FRMD4A: variants seen among roughly 807,000 people sequenced by gnomAD.
FRMD4A encodes the protein FERM domain containing 4A, also known as FERM domain-containing protein 4A.
In FRMD4A, 29 loss-of-function variants were observed where a neutral mutation model predicts 129.1. The observed-to-expected ratio is 0.22, with a 90% CI of 0.17 to 0.31. The LOEUF is 0.31. FRMD4A is among the 10% of genes least tolerant of loss of function. The pLI, the probability that FRMD4A is intolerant of heterozygous loss-of-function variation, is 1.00. For missense variants in FRMD4A, 1,272 were observed against 1,375.8 expected (o/e 0.92, Z 1.19); for synonymous variants, 634 against 571.6 (o/e 1.11, Z -1.56).
intron 2 of FRMD4A, among the ~76,000 whole-genome samples, chr10:14,297,673 T>G (rs1486349614): frequency 6.6e-6 from 1 of 152,178 alleles, no homozygotes; most frequent in Non-Finnish European, 1.5e-5. Context: ...TAACCACTTT[T>G]TGTAAAGTGC....
intron 2 of FRMD4A, among the ~76,000 whole-genome samples, chr10:14,023,097 T>G (rs954310221): frequency 1.3e-5 from 2 of 152,000 alleles, no homozygotes; most frequent in African/African-American, 4.8e-5. Context: ...CAGTTCAGTT[T>G]CTACTCATAC....
intron 2 of FRMD4A, among the ~76,000 whole-genome samples, chr10:14,128,719 G>T (rs116396428): frequency 0.013 from 1,903 of 152,222 alleles, 30 homozygotes; most frequent in African/African-American, 0.043. Flanking sequence ...ACATCTTGTA[G>T]GTTGCAAAGC....
rs113818620 is a variant in FRMD4A, at chr10:14,285,797, C to T, written c.45+44261G>A. ...CACTGAAGTAATTTAACTCATGATC[C>T]GACGTCAGGGATCACTGCCAGCTGA... On this transcript the variant is annotated intron_variant, in intron 2 of 24. Coordinates refer to ENST00000357447, the MANE Select transcript of FRMD4A (RefSeq NM_018027.5). Among the ~76,000 whole-genome samples the T allele has an allele frequency of 3.4e-4, 52 of 152,240 alleles. No homozygotes were observed. In the South Asian group the frequency reaches 4.4e-3, roughly 13 times the overall value.
At chr10:13,979,121 G>A (rs1458346017) in intron 2 of FRMD4A, among the ~76,000 whole-genome samples, 2 of 152,146 alleles carry the variant, frequency 1.3e-5, no homozygotes, top group African/African-American at 2.4e-5. Flanking sequence ...TGGTTTCCAC[G>A]AAATTCATCC....
chr10:14,105,175 C>A lies in FRMD4A; in HGVS notation c.45+224883G>T, dbSNP rs1240958183. 3.3e-5 allele frequency among the ~76,000 whole-genome samples: 5 copies of A among 152,328 alleles called. No homozygotes were observed. In the East Asian group the frequency reaches 9.6e-4, roughly 29 times the overall value. ...ATTTGAAGAGCTATAGGTCGTAGCT[C>A]TTTTCATGGTCACTTGTTTTCTTCA... On this transcript the variant is annotated intron_variant, in intron 2 of 24. Transcript: ENST00000357447.
intron 2 of FRMD4A, among the ~76,000 whole-genome samples, chr10:14,275,429 C>G (rs935524073): frequency 6.6e-6 from 1 of 152,162 alleles, no homozygotes; most frequent in Non-Finnish European, 1.5e-5. Flanking sequence ...ACCAAAATGT[C>G]CAGACACAAC....
chr10:13,998,216 A>C (rs79815716), intron 2 of FRMD4A, among the ~76,000 whole-genome samples: 3,369 of 152,248 alleles, frequency 0.022, 134 homozygotes, highest in African/African-American at 0.076. Flanking sequence ...GCCAATCTCC[A>C]GTGGTATACT....
intron 6 of FRMD4A, among the ~76,000 whole-genome samples, chr10:13,763,587 C>T (rs577117841): frequency 2.5e-4 from 38 of 152,258 alleles, no homozygotes; most frequent in African/African-American, 8.7e-4. Flanking sequence ...TAGTTCTTCC[C>T]CCAAATACTT....
intron 2 of FRMD4A, among the ~76,000 whole-genome samples, chr10:14,162,475 A>G (rs1488887437): frequency 6.6e-6 from 1 of 152,216 alleles, no homozygotes; most frequent in Admixed American, 6.5e-5. Flanking sequence ...ATGGTCACAT[A>G]TGAGGAATGA....
intron 2 of FRMD4A, among the ~76,000 whole-genome samples, chr10:14,206,818 A>AAT: frequency 6.7e-6 from 1 of 149,662 alleles, no homozygotes; most frequent in Non-Finnish European, 1.5e-5. Context: ...TCAAAAAAAA[A>AAT]AAAGAGAGAC....
chr10:14,020,446 A>G lies in FRMD4A; in HGVS notation c.46-161534T>C, dbSNP rs1323815886. Among the ~76,000 whole-genome samples, 5 of 152,114 alleles carry G rather than the reference A, an allele frequency of 3.3e-5. No homozygotes were observed. In the East Asian group the frequency reaches 5.8e-4, roughly 18 times the overall value. On this transcript the variant is annotated intron_variant, in intron 2 of 24. Coordinates refer to ENST00000357447, the MANE Select transcript of FRMD4A (RefSeq NM_018027.5). The stretch of plus-strand genomic sequence containing the variant: ...GAGCATGCCATCAGCTATAGAGGAA[A>G]CCCAAGGCTAATGGGCTTCTGATGC...
At chr10:13,699,878 G>C (rs1234379935) in intron 14 of FRMD4A, among the ~76,000 whole-genome samples, 1 of 152,074 alleles carries the variant, frequency 6.6e-6, no homozygotes, top group Non-Finnish European at 1.5e-5. Flanking sequence ...CCTGCGCTAG[G>C]ACTAGGACCC....
chr10:13,650,889 G>A (rs757574491), intron 24 of FRMD4A, among the ~76,000 whole-genome samples: 2 of 152,220 alleles, frequency 1.3e-5, no homozygotes, highest in East Asian at 1.9e-4. Flanking sequence ...TAACATCTCC[G>A]TGAACTCGAA....
chr10:13,695,909 G>A (rs916669400), intron 14 of FRMD4A, among the ~76,000 whole-genome samples: 37 of 152,142 alleles, frequency 2.4e-4, no homozygotes, highest in African/African-American at 8.7e-4. Context: ...TGCCCTCGAC[G>A]TTGCTGTCCA....
At chr10:14,220,812 T>G (rs11258948) in intron 2 of FRMD4A, among the ~76,000 whole-genome samples, 7,047 of 45,186 alleles carry the variant, frequency 0.16, 238 homozygotes, top group South Asian at 0.35. Context: ...GTGTGTGTGT[T>G]TGTGTGTGTG....
intron 6 of FRMD4A, among the ~76,000 whole-genome samples, chr10:13,780,485 AG>A (rs1347763588): frequency 6.6e-6 from 1 of 152,212 alleles, no homozygotes; most frequent in East Asian, 1.9e-4. Flanking sequence ...AATTGGATAC[AG>A]GACAAGGGGC....
chr10:13,936,167 T>C lies in FRMD4A; in HGVS notation c.46-77255A>G, dbSNP rs148952037. ...GGCACACAAGTAACCATAAGACAGA[T>C]GTGTATAATCCAGGAAAGCTTCCTG... On this transcript the variant is annotated intron_variant, in intron 2 of 24. Coordinates refer to ENST00000357447, the MANE Select transcript of FRMD4A (RefSeq NM_018027.5). Among the ~76,000 whole-genome samples, 34 of 152,250 alleles carry C rather than the reference T, an allele frequency of 2.2e-4. No individual in the cohort carries two copies. In the East Asian group the frequency reaches 6.2e-3, roughly 28 times the overall value.
At chr10:13,727,436 TG>T (rs1258116823) in intron 12 of FRMD4A, among the ~76,000 whole-genome samples, 3 of 152,090 alleles carry the variant, frequency 2.0e-5, no homozygotes, top group Non-Finnish European at 2.9e-5. Context: ...TGGTTAATGC[TG>T]GGGGGAGGGG....
intron 2 of FRMD4A, among the ~76,000 whole-genome samples, chr10:14,169,204 C>T (rs1360504599): frequency 6.6e-6 from 1 of 152,042 alleles, no homozygotes; most frequent in African/African-American, 2.4e-5. Context: ...TATTCCTTGC[C>T]TATTTGAGGA....
Sources: allele counts gnomAD v4.1 joint callset (sites outside exome capture counted in the v4.1 genomes callset), GRCh38; gene constraint gnomAD v4.1.1; transcripts MANE v1.5; gene names NCBI Gene and HGNC (gene_info 2026-07-23, HGNC 2026-07-21).